The following PTPRK variants were observed in gnomAD, a reference collection of about 807,000 sequenced individuals.
The protein encoded by PTPRK is protein tyrosine phosphatase receptor type K, also known as receptor-type tyrosine-protein phosphatase kappa.
In PTPRK, 75 loss-of-function variants were observed where a neutral mutation model predicts 178.0. The observed-to-expected ratio is 0.42, with a 90% CI of 0.35 to 0.51. PTPRK has a LOEUF of 0.51. Among genes scored for constraint, PTPRK ranks in the 20% least tolerant of loss-of-function variants. PTPRK has a pLI of 0.02. For synonymous variants in PTPRK, 637 were observed against 620.6 expected (o/e 1.03, Z -0.39); for missense variants, 1,441 against 1,797.8 (o/e 0.80, Z 3.59).
chr6:128,395,858 G>A (rs556150005), intron 2 of PTPRK, among the ~76,000 whole-genome samples: 9 of 152,206 alleles, frequency 5.9e-5, no homozygotes, highest in African/African-American at 2.2e-4. Context: ...CAATCACGGA[G>A]AGTGACAATT....
intron 7 of PTPRK, among the ~76,000 whole-genome samples, chr6:128,131,011 T>C (rs549600405): frequency 2.0e-4 from 31 of 152,318 alleles, no homozygotes; most frequent in African/African-American, 7.2e-4. Context: ...GATTTACACA[T>C]GTCTACTTTT....
intron 7 of PTPRK, among the ~76,000 whole-genome samples, chr6:128,162,949 T>C (rs1391696013): frequency 1.3e-5 from 2 of 151,614 alleles, no homozygotes; most frequent in African/African-American, 4.8e-5. Flanking sequence ...TTATGTTTAA[T>C]ATGTTAATGT....
At chr6:128,340,969 TTC>T (rs1236916370) in intron 2 of PTPRK, among the ~76,000 whole-genome samples, 3 of 152,162 alleles carry the variant, frequency 2.0e-5, no homozygotes, top group African/African-American at 7.2e-5. Context: ...ATAAAAACAG[TTC>T]TCTGTTTTAC....
chr6:128,161,785 C>T (rs1798745244), intron 7 of PTPRK, among the ~76,000 whole-genome samples: 1 of 151,280 alleles, frequency 6.6e-6, no homozygotes, highest in Admixed American at 6.6e-5. Context: ...CTTTTCTAAC[C>T]CTCATAAACT....
chr6:128,448,289 G>A (rs1389773189), intron 1 of PTPRK, among the ~76,000 whole-genome samples: 1 of 152,174 alleles, frequency 6.6e-6, no homozygotes, highest in East Asian at 1.9e-4. Context: ...GTTCTGGAGA[G>A]ATAATAAATG....
chr6:128,299,357 A>G lies in PTPRK; in HGVS notation c.495+22682T>C, dbSNP rs556060393. On this transcript the variant is annotated intron_variant, in intron 3 of 29. Transcript: ENST00000368226. ...AGCTACCAATGACTTTCTTCACAGAATTGGAAAAAACTACTTTAAAGTTCA... is the reference window on the plus strand; with the variant it reads ...AGCTACCAATGACTTTCTTCACAGAGTTGGAAAAAACTACTTTAAAGTTCA... 2.0e-4 allele frequency among the ~76,000 whole-genome samples: 31 copies of G among 151,676 alleles called. No individual in the cohort carries two copies. In the South Asian group the frequency reaches 4.8e-3, roughly 24 times the overall value.
intron 6 of PTPRK, among the ~76,000 whole-genome samples, chr6:128,190,371 A>T (rs1803550841): frequency 6.6e-6 from 1 of 151,910 alleles, no homozygotes; most frequent in African/African-American, 2.4e-5. Context: ...AATTCTATAA[A>T]TTTTTTAATC....
At chr6:128,367,217 T>A (rs2128346041) in intron 2 of PTPRK, among the ~76,000 whole-genome samples, 1 of 152,262 alleles carries the variant, frequency 6.6e-6, no homozygotes, top group East Asian at 1.9e-4. Flanking sequence ...TTAAATGCAG[T>A]TCTACTATAT....
At chr6:128,016,404 G>C (rs1779597974) in intron 13 of PTPRK, among the ~76,000 whole-genome samples, 1 of 151,830 alleles carries the variant, frequency 6.6e-6, no homozygotes, top group Non-Finnish European at 1.5e-5. Flanking sequence ...TCTTCGGAAA[G>C]AAAGGTGCTT....
chr6:128,490,591 T>G (rs1325980051), intron 1 of PTPRK, among the ~76,000 whole-genome samples: 1 of 152,152 alleles, frequency 6.6e-6, no homozygotes, highest in African/African-American at 2.4e-5. Context: ...ACAATCACAC[T>G]CCCCATGTGT....
chr6:128,173,801 A>C (rs1217840652), intron 7 of PTPRK, among the ~76,000 whole-genome samples: 1 of 152,012 alleles, frequency 6.6e-6, no homozygotes, highest in Non-Finnish European at 1.5e-5. Context: ...ATTTTTGCTT[A>C]GACTGAAGTA....
rs60473661 is a variant in PTPRK, at chr6:128,506,659, C to CAA, written c.100+13598_100+13599dup. ...TGGTTGACAGAGTAAAACTCTGTCT[C>CAA]AAAAAAAAAAAAAAAAAAAAAAATT... On this transcript the variant is annotated intron_variant, in intron 1 of 29. Coordinates refer to ENST00000368226, the MANE Select transcript of PTPRK (RefSeq NM_002844.4). Among the ~76,000 whole-genome samples, 509 of 52,460 alleles carry CAA rather than the reference C, an allele frequency of 9.7e-3. 12 individuals carry two copies. Among genetic ancestry groups the CAA allele is most frequent in the African/African-American group, 0.03 (435 of 14,638 alleles). The allele number at this position is 52,460 out of a possible 152,430, so 34.4% of individuals were successfully genotyped here.
chr6:128,383,603 A>G (rs1838260227), intron 2 of PTPRK, among the ~76,000 whole-genome samples: 1 of 152,208 alleles, frequency 6.6e-6, no homozygotes. Flanking sequence ...GTTCCAGAAG[A>G]AAGTTGAGAA....
chr6:128,454,996 G>A (rs1443532650), intron 1 of PTPRK, among the ~76,000 whole-genome samples: 2 of 152,028 alleles, frequency 1.3e-5, no homozygotes, highest in African/African-American at 4.8e-5. Context: ...CTTTTGCAAA[G>A]AGTCAATCTC....
chr6:128,517,033 T>C (rs1858153599), intron 1 of PTPRK, among the ~76,000 whole-genome samples: 1 of 151,176 alleles, frequency 6.6e-6, no homozygotes, highest in African/African-American at 2.4e-5. Flanking sequence ...AATAACTATG[T>C]TAAACAATAA....
In PTPRK at chr6:128,513,493, A is replaced by AAAAAGAAAG. The variant is rs796327188; in HGVS notation, c.100+6765_100+6766insCTTTCTTTT. The stretch of plus-strand genomic sequence containing the variant: ...GCAAGACTCCATCTCCAAAAAAAAA[A>AAAAAGAAAG]AAAGAAAGAAAGAAAGAAAGAAATA... On this transcript the variant is annotated intron_variant, in intron 1 of 29. Transcript: ENST00000368226. 7.1e-3 allele frequency among the ~76,000 whole-genome samples: 1,069 copies of AAAAAGAAAG among 150,262 alleles called. 9 individuals carry two copies. Among genetic ancestry groups the AAAAAGAAAG allele is most frequent in the South Asian group, 0.023 (111 of 4,780 alleles).
chr6:128,111,653 ACTCT>A (rs1202412888), intron 7 of PTPRK, among the ~76,000 whole-genome samples: 1 of 150,632 alleles, frequency 6.6e-6, no homozygotes, highest in Non-Finnish European at 1.5e-5. Context: ...CATGAGAGTC[ACTCT>A]CTCTCACCCA....
At chr6:128,082,279 T>A (rs1784962219) in intron 10 of PTPRK, among the ~76,000 whole-genome samples, 158 bp downstream of exon 10, 1 of 152,182 alleles carries the variant, frequency 6.6e-6, no homozygotes, top group African/African-American at 2.4e-5. Flanking sequence ...ATAATTCATA[T>A]TCAAATAATT....
chr6:128,196,234 G>GA (rs1276943563), intron 6 of PTPRK, among the ~76,000 whole-genome samples: 1 of 151,952 alleles, frequency 6.6e-6, no homozygotes, highest in Admixed American at 6.6e-5. Flanking sequence ...AAGGACTTCT[G>GA]AAAAAATATT....
Sources: allele counts gnomAD v4.1 joint callset (sites outside exome capture counted in the v4.1 genomes callset), GRCh38; gene constraint gnomAD v4.1.1; transcripts MANE v1.5; gene names NCBI Gene and HGNC (gene_info 2026-07-23, HGNC 2026-07-21).